ANK2: variants seen among roughly 807,000 people sequenced by gnomAD.
ANK2 encodes ankyrin 2.
Under a neutral mutation model 360.5 loss-of-function variants are expected in ANK2, and 83 were observed. The ratio of observed to expected loss-of-function variants is 0.23; its 90% CI spans 0.19 to 0.28. ANK2 has a LOEUF of 0.28. ANK2 is among the 10% of genes least tolerant of loss of function. The pLI, the probability that ANK2 is intolerant of heterozygous loss-of-function variation, is 1.00. For synonymous variants in ANK2, 1,740 were observed against 1,759.5 expected (o/e 0.99, Z 0.28); for missense variants, 4,201 against 4,795.7 (o/e 0.88, Z 3.66).
Position 113,274,473 on chromosome 4 carries a change from A to G in ANK2, c.1507A>G (p.Ile503Val), listed in dbSNP as rs2153687990. Residue 503 changes from isoleucine (I) to valine (V), a missense_variant, in exon 15 of 46, where the codon ATT becomes GTT. This residue lies in a region of ANK2 where 1,268 missense variants were observed against 1,650.8 expected (regional missense o/e 0.77). Transcript: ENST00000357077. ...RAREEQTPLH[I>V]ASRLGKTEIV... Reference sequence around the variant, plus strand: ...GTAGGAGGAACAGACACCTTTACATATTGCCTCCCGCCTGGGTAAGACAGA... The same window carrying G: ...GTAGGAGGAACAGACACCTTTACATGTTGCCTCCCGCCTGGGTAAGACAGA... 1 of 1,614,140 alleles carries G rather than the reference A, an allele frequency of 6.2e-7. No homozygotes were observed. The highest frequency in any genetic ancestry group is 8.5e-7 in the Non-Finnish European group (1 of 1,180,020).
intron 2 of ANK2, among the ~76,000 whole-genome samples, chr4:112,977,939 A>G (rs2041971993): frequency 6.6e-6 from 1 of 152,152 alleles, no homozygotes; most frequent in Non-Finnish European, 1.5e-5. Context: ...AAAAATAATT[A>G]TTAGTCTTTT....
At chr4:113,263,969 A>G (rs1385774152) in intron 13 of ANK2, among the ~76,000 whole-genome samples, 1 of 152,136 alleles carries the variant, frequency 6.6e-6, no homozygotes, top group Non-Finnish European at 1.5e-5. Context: ...GCTACACCTA[A>G]AGCCACCCTT....
chr4:113,016,255 T>A (rs2056580880), intron 2 of ANK2, among the ~76,000 whole-genome samples: 1 of 152,110 alleles, frequency 6.6e-6, no homozygotes, highest in Admixed American at 6.5e-5. Flanking sequence ...AGGCAGAGAC[T>A]GAAAAGGCCT....
chr4:113,340,214 A>C (rs575278281), intron 32 of ANK2, among the ~76,000 whole-genome samples: 1 of 152,328 alleles, frequency 6.6e-6, no homozygotes. Flanking sequence ...TAAAAGAATG[A>C]GAGAAGGGTG....
At chr4:113,075,342 G>A (rs75701763) in intron 1 of ANK2, among the ~76,000 whole-genome samples, 35 of 152,274 alleles carry the variant, frequency 2.3e-4, no homozygotes, top group African/African-American at 6.3e-4. Context: ...GTACTTATGT[G>A]TGATTAATAC....
intron 2 of ANK2, among the ~76,000 whole-genome samples, chr4:112,949,554 A>T (rs1345646281): frequency 6.6e-6 from 1 of 152,220 alleles, no homozygotes; most frequent in Non-Finnish European, 1.5e-5. Flanking sequence ...TTCTTTTTCA[A>T]ATGTAATCAA....
intron 1 of ANK2, among the ~76,000 whole-genome samples, chr4:112,875,039 C>CTT (rs991553054): frequency 2.0e-4 from 28 of 140,784 alleles, no homozygotes; most frequent in African/African-American, 6.5e-4. Context: ...TCCCTAATTA[C>CTT]TTTTTTTTTT....
chr4:113,211,898 AT>A (rs35039240), intron 4 of ANK2, among the ~76,000 whole-genome samples: 1 of 151,814 alleles, frequency 6.6e-6, no homozygotes, highest in African/African-American at 2.4e-5. Flanking sequence ...TCTCAGAAGT[AT>A]TTTTTTTGTT....
chr4:112,945,227 C>G (rs774949751), intron 2 of ANK2, among the ~76,000 whole-genome samples: 23 of 152,162 alleles, frequency 1.5e-4, no homozygotes, highest in Non-Finnish European at 2.9e-4. Context: ...AAAGAGTTCT[C>G]CCTAGAAGTG....
Position 113,288,445 on chromosome 4 carries a change from T to A in ANK2, c.2236T>A (p.Phe746Ile). Residue 746 changes from phenylalanine to isoleucine, a missense_variant, in exon 20 of 46, where the codon TTT becomes ATT. Phe to Ile is a conservative substitution (Grantham distance 21). Around this residue, in one of 4 missense-constraint regions of ANK2, gnomAD observed 1,268 missense variants for 1,650.8 expected, o/e 0.77. Transcript: ENST00000357077. ...CTATGGAAATGTGAAAATGGTCAACTTTCTTCTGAAGCAGGGAGCAAATGT... is the reference window on the plus strand; with the variant it reads ...CTATGGAAATGTGAAAATGGTCAACATTCTTCTGAAGCAGGGAGCAAATGT... ...CHYGNVKMVN[F>I]LLKQGANVNA... The A allele has an allele frequency of 6.2e-7, 1 of 1,614,048 alleles. No homozygotes were observed. Among genetic ancestry groups the A allele is most frequent in the Non-Finnish European group, 8.5e-7 (1 of 1,179,942 alleles).
upstream of ANK2, among the ~76,000 whole-genome samples, chr4:113,049,095 T>C (rs2065815625): frequency 6.6e-6 from 1 of 152,148 alleles, no homozygotes; most frequent in African/African-American, 2.4e-5. Context: ...AGAGAGTGGT[T>C]GGGGTTATCT....
At chr4:112,727,534 A>T in the ANK2 span, among the ~76,000 whole-genome samples, 2 of 152,042 alleles carry the variant, frequency 1.3e-5, no homozygotes, top group African/African-American at 4.8e-5. Context: ...AACTAGAAAG[A>T]TAAAAAAGAT....
At chr4:112,903,099 C>G (rs1210576755) in intron 1 of ANK2, among the ~76,000 whole-genome samples, 1 of 152,186 alleles carries the variant, frequency 6.6e-6, no homozygotes, top group South Asian at 2.1e-4. Flanking sequence ...GGTCCTCAAA[C>G]TTCCAGCTGC....
At chr4:112,766,638 C>T in the ANK2 span, among the ~76,000 whole-genome samples, 1 of 152,162 alleles carries the variant, frequency 6.6e-6, no homozygotes, top group Non-Finnish European at 1.5e-5. Context: ...CCCAGCAGCT[C>T]AAGGCTTATA....
chr4:112,781,436 A>C, the ANK2 span, among the ~76,000 whole-genome samples: 3 of 152,130 alleles, frequency 2.0e-5, no homozygotes, highest in African/African-American at 7.2e-5. Flanking sequence ...TCTGACTTCC[A>C]TTTCCACTGT....
the ANK2 span, among the ~76,000 whole-genome samples, chr4:112,733,593 T>C: frequency 6.6e-6 from 1 of 152,202 alleles, no homozygotes; most frequent in Non-Finnish European, 1.5e-5. Context: ...TTTTCACTGA[T>C]ACAGACCCAG....
chr4:112,750,880 A>G, the ANK2 span, among the ~76,000 whole-genome samples: 23 of 152,146 alleles, frequency 1.5e-4, no homozygotes, highest in Non-Finnish European at 1.2e-4. Context: ...GGCACGGGCC[A>G]CCATGCCCAG....
intron 2 of ANK2, among the ~76,000 whole-genome samples, chr4:112,952,966 C>T (rs932671532): frequency 5.9e-5 from 9 of 152,142 alleles, no homozygotes; most frequent in Non-Finnish European, 1.2e-4. Flanking sequence ...GCAACAGCAT[C>T]ACTACAGAAA....
In ANK2 at chr4:112,868,989, C is replaced by T. The variant is rs1220544946; in HGVS notation, c.-39-35466C>T. 1.3e-5 allele frequency among the ~76,000 whole-genome samples: 2 copies of T among 151,858 alleles called. 1 individual carries two copies. The highest frequency in any genetic ancestry group is 3.9e-4 in the East Asian group (2 of 5,178). On this transcript the variant is annotated intron_variant, in intron 1 of 30. Transcript: ENST00000503271. ...TTATTCTTTTTTTTTGAGACAGGGT[C>T]TCACTCTGTCACCTAGGCTGGAGTG... is the stretch of plus-strand genomic sequence containing the variant.
Sources: allele counts gnomAD v4.1 joint callset (sites outside exome capture counted in the v4.1 genomes callset), GRCh38; gene constraint gnomAD v4.1.1; regional missense constraint gnomAD v4.1.1; transcripts MANE v1.5; gene names NCBI Gene and HGNC (gene_info 2026-07-23, HGNC 2026-07-21).